PRR7: variants seen among roughly 807,000 people sequenced by gnomAD.
The protein encoded by PRR7 is proline-rich protein 7.
PRR7 carries 8 observed loss-of-function variants against 18.5 expected under a neutral mutation model. The ratio of observed to expected loss-of-function variants is 0.43; its 90% CI spans 0.25 to 0.78. PRR7 has a LOEUF of 0.78. Ranked by LOEUF, PRR7 falls within the 30% of genes least tolerant of loss-of-function variation. PRR7 has a pLI of 0.22. For missense variants in PRR7, 396 were observed against 403.1 expected (o/e 0.98, Z 0.15); for synonymous variants, 221 against 187.7 (o/e 1.18, Z -1.45).
chr5:177,451,964 G>C (rs1756186440), intron 1 of PRR7, among the ~76,000 whole-genome samples: 1 of 152,216 alleles, frequency 6.6e-6, no homozygotes, highest in Non-Finnish European at 1.5e-5. Context: ...CTTCACCGAT[G>C]AGGAAACAGA....
chr5:177,454,960 C>T lies in PRR7; in HGVS notation c.-108C>T, dbSNP rs1756338585. The T allele has an allele frequency of 1.5e-6, 2 of 1,322,236 alleles. No individual in the cohort carries two copies. Among genetic ancestry groups the T allele is most frequent in the South Asian group, 2.4e-5 (1 of 42,430 alleles). 81.9% of individuals were successfully genotyped at this position (1,322,236 alleles called of 1,614,324 possible). On this transcript the variant is annotated 5_prime_UTR_variant, in exon 3 of 4. Coordinates refer to ENST00000323249, the MANE Select transcript of PRR7 (RefSeq NM_030567.5). The surrounding 1 kb of genome is among the most constrained non-coding windows in gnomAD (Gnocchi z 4.7). ...CCACGGGCAGCCCCCGGCCGCGGGT[C>T]CCCGAGTGACGCTGGCGGCACCTGA...
In PRR7 at chr5:177,454,436, C is replaced by T. The variant is rs1340379796; in HGVS notation, c.-239-393C>T. Among the ~76,000 whole-genome samples the T allele has an allele frequency of 2.6e-5, 4 of 152,330 alleles. No individual in the cohort carries two copies. In the South Asian group the frequency reaches 6.2e-4, roughly 24 times the overall value. On this transcript the variant is annotated intron_variant, in intron 2 of 3. Transcript: ENST00000323249. The surrounding 1 kb of genome is among the most constrained non-coding windows in gnomAD (Gnocchi z 4.7). ...GTGGGGCTCTAGGAGATGTACCACC[C>T]TTTCCCCGCCGCACAGCAACGGCGC...
At position 177,450,901 on chromosome 5, in the gene PRR7, T is replaced by G. The variant is rs1274465410; in HGVS notation, c.-324-3055T>G. ...CCTCCACGTGGTTCTGTTGCCTGCT[T>G]AAATTTGAGAGGCCCAGATCTAAGC... On this transcript the variant is annotated intron_variant, in intron 1 of 3. Transcript: ENST00000323249. The surrounding 1 kb of genome is among the most constrained non-coding windows in gnomAD (Gnocchi z 6.6). 6.6e-6 allele frequency among the ~76,000 whole-genome samples: 1 copy of G among 152,162 alleles called. No homozygotes were observed. The highest frequency in any genetic ancestry group is 1.5e-5 in the Non-Finnish European group (1 of 68,012).
At position 177,456,130 on chromosome 5, in the gene PRR7, C is replaced by G; in HGVS notation, c.*9C>G. On this transcript the variant is annotated 3_prime_UTR_variant, in exon 4 of 4. Coordinates refer to ENST00000323249, the MANE Select transcript of PRR7 (RefSeq NM_030567.5). ...GGACTACAGCCGTATAGAGGGGCGC[C>G]CGGCGCCCCGGGCCCCACCGGCGGA... The G allele has an allele frequency of 7.0e-7, 1 of 1,423,060 alleles. No homozygotes were observed. Among genetic ancestry groups the G allele is most frequent in the Non-Finnish European group, 9.1e-7 (1 of 1,096,270 alleles). The allele number at this position is 1,423,060 out of a possible 1,614,324, so 88.2% of individuals were successfully genotyped here.
At position 177,455,818 on chromosome 5, in the gene PRR7, C is replaced by A. The variant is rs1228474804; in HGVS notation, c.522C>A (p.Arg174=). Residue 174 remains arginine (R), a synonymous_variant, in exon 4 of 4, where the codon CGC becomes CGA. Coordinates refer to ENST00000323249, the MANE Select transcript of PRR7 (RefSeq NM_030567.5). This position sits in a 1 kb window ranked among gnomAD's most constrained non-coding sequence, Gnocchi z 6.9. ...PPYSEVLTDT[R]GLYRKIVTPF... ...ATAGCGAGGTGCTCACGGACACGCGCGGCCTCTACCGCAAGATCGTCACGC... is the reference window on the plus strand; with the variant it reads ...ATAGCGAGGTGCTCACGGACACGCGAGGCCTCTACCGCAAGATCGTCACGC... 6.2e-7 allele frequency: 1 copy of A among 1,612,110 alleles called. No individual in the cohort carries two copies. Among genetic ancestry groups the A allele is most frequent in the Non-Finnish European group, 8.5e-7 (1 of 1,179,690 alleles).
intron 1 of PRR7, among the ~76,000 whole-genome samples, chr5:177,452,835 G>A (rs187962598): frequency 2.0e-4 from 30 of 152,338 alleles, no homozygotes; most frequent in African/African-American, 6.7e-4. Context: ...CTAACCTGGC[G>A]CTGCCATTAC....
At position 177,455,418 on chromosome 5, in the gene PRR7, G is replaced by A. The variant is rs1441127653; in HGVS notation, c.351G>A (p.Pro117=). The A allele has an allele frequency of 1.3e-6, 2 of 1,502,972 alleles. No individual in the cohort carries two copies. The highest frequency in any genetic ancestry group is 1.5e-5 in the African/African-American group (1 of 68,754). The allele number at this position is 1,502,972 out of a possible 1,614,324, so 93.1% of individuals were successfully genotyped here. Residue 117 remains proline, a synonymous_variant, in exon 3 of 4, where the codon CCG becomes CCA. Coordinates refer to ENST00000323249, the MANE Select transcript of PRR7 (RefSeq NM_030567.5). The surrounding 1 kb of genome is among the most constrained non-coding windows in gnomAD (Gnocchi z 6.9). ...AQPHAHAHPH[P]HHHALPHPPP... is the part of the protein sequence containing the mutation. Reference sequence around the variant, plus strand: ...CGCACGCGCACGCGCACCCACACCCGCACCACCACGCGCTCCCGCACCCGC... The same window carrying A: ...CGCACGCGCACGCGCACCCACACCCACACCACCACGCGCTCCCGCACCCGC...
At chr5:177,451,322 G>A (rs1245023081) in intron 1 of PRR7, among the ~76,000 whole-genome samples, 1 of 152,110 alleles carries the variant, frequency 6.6e-6, no homozygotes, top group African/African-American at 2.4e-5. Context: ...ATGCCAGCCT[G>A]CTTCGGAGAG....
At chr5:177,452,197 A>C (rs1756194636) in intron 1 of PRR7, among the ~76,000 whole-genome samples, 1 of 152,258 alleles carries the variant, frequency 6.6e-6, no homozygotes, top group African/African-American at 2.4e-5. Flanking sequence ...ACTTCGGTCC[A>C]TCTGCAGGGC....
chr5:177,449,849 C>T lies in PRR7; in HGVS notation c.-325+2889C>T, dbSNP rs952090065. Among the ~76,000 whole-genome samples, 7 of 152,134 alleles carry T rather than the reference C, an allele frequency of 4.6e-5. No homozygotes were observed. Among genetic ancestry groups the T allele is most frequent in the African/African-American group, 2.4e-5 (1 of 41,414 alleles). On this transcript the variant is annotated intron_variant, in intron 1 of 3. Transcript: ENST00000323249. This position sits in a 1 kb window ranked among gnomAD's most constrained non-coding sequence, Gnocchi z 4.2. ...TTGCCACTCAGTACCCTGGCCTAGG[C>T]GGAGGGCGGTTCTGGCCAGCTCCAA...
Position 177,454,859 on chromosome 5 carries a change from G to C in PRR7, c.-209G>C. The C allele has an allele frequency of 1.9e-6, 1 of 516,580 alleles. No homozygotes were observed. The highest frequency in any genetic ancestry group is 2.8e-6 in the Non-Finnish European group (1 of 355,556). 32.0% of individuals were successfully genotyped at this position (516,580 alleles called of 1,614,324 possible). ...GCGCGGCCCCGGGTGAGGCACGCCCGCGCGCCCGCCGGCGCCATGGGAAGG... is the reference window on the plus strand; with the variant it reads ...GCGCGGCCCCGGGTGAGGCACGCCCCCGCGCCCGCCGGCGCCATGGGAAGG... On this transcript the variant is annotated 5_prime_UTR_variant, in exon 3 of 4. Coordinates refer to ENST00000323249, the MANE Select transcript of PRR7 (RefSeq NM_030567.5). The surrounding 1 kb of genome is among the most constrained non-coding windows in gnomAD (Gnocchi z 4.7).
intron 1 of PRR7, among the ~76,000 whole-genome samples, chr5:177,452,403 G>C (rs1459823504): frequency 1.3e-5 from 2 of 152,162 alleles, no homozygotes; most frequent in African/African-American, 4.8e-5. Flanking sequence ...GGTTTTTTCG[G>C]GAGGCTTTGC....
At chr5:177,453,412 G>T (rs1343039907) in intron 1 of PRR7, among the ~76,000 whole-genome samples, 1 of 152,220 alleles carries the variant, frequency 6.6e-6, no homozygotes, top group East Asian at 1.9e-4. Context: ...TTGTCGAGGG[G>T]GCGGGCAGAG....
At chr5:177,452,991 C>T (rs528129201) in intron 1 of PRR7, among the ~76,000 whole-genome samples, 10 of 152,330 alleles carry the variant, frequency 6.6e-5, no homozygotes, top group Admixed American at 5.9e-4. Context: ...GCCCCCATGG[C>T]TGCCACTTAC....
intron 1 of PRR7, among the ~76,000 whole-genome samples, chr5:177,447,183 G>T (rs1465068001): frequency 6.6e-6 from 1 of 152,122 alleles, no homozygotes; most frequent in East Asian, 1.9e-4. Context: ...CCACCAGTTC[G>T]CTTGGAAACG....
chr5:177,452,401 C>T (rs1380719074), intron 1 of PRR7, among the ~76,000 whole-genome samples: 1 of 152,174 alleles, frequency 6.6e-6, no homozygotes, highest in Non-Finnish European at 1.5e-5. Flanking sequence ...ATGGTTTTTT[C>T]GGGAGGCTTT....
Position 177,455,392 on chromosome 5 carries a change from C to CCGCACGCGCACG in PRR7, c.331_342dup (p.Ala111_His114dup), listed in dbSNP as rs754358432. On this transcript the variant is annotated inframe_insertion, in exon 3 of 4. Coordinates refer to ENST00000323249, the MANE Select transcript of PRR7 (RefSeq NM_030567.5). The surrounding 1 kb of genome is among the most constrained non-coding windows in gnomAD (Gnocchi z 6.9). ...GCTGCTGCACCACGGGCCCGCGCAG[C>CCGCACGCGCACG]CGCACGCGCACGCGCACCCACACCC... 33 of 1,494,616 alleles carry CCGCACGCGCACG rather than the reference C, an allele frequency of 2.2e-5. No homozygotes were observed. The highest frequency in any genetic ancestry group is 2.9e-5 in the Non-Finnish European group (33 of 1,128,754). 92.6% of individuals were successfully genotyped at this position (1,494,616 alleles called of 1,614,324 possible).
At chr5:177,451,868 C>A (rs1384470664) in intron 1 of PRR7, among the ~76,000 whole-genome samples, 1 of 152,232 alleles carries the variant, frequency 6.6e-6, no homozygotes, top group East Asian at 1.9e-4. Flanking sequence ...GGGACACACA[C>A]ATGTCTGCAT....
At chr5:177,446,213 C>G (rs532148517), upstream of PRR7, 1 of 152,348 alleles carries the variant, frequency 6.6e-6, no homozygotes, top group African/African-American at 2.4e-5. The surrounding 1 kb of genome is among the most constrained non-coding windows in gnomAD (Gnocchi z 5.3). Context: ...GGGGCGCTCT[C>G]TAGGGGTCAT....
Sources: allele counts gnomAD v4.1 joint callset (sites outside exome capture counted in the v4.1 genomes callset), GRCh38; gene constraint gnomAD v4.1.1; non-coding constraint Gnocchi (gnomAD v3.1); transcripts MANE v1.5; gene names NCBI Gene and HGNC (gene_info 2026-07-23, HGNC 2026-07-21).